The following RDX variants were observed in gnomAD, a reference collection of about 807,000 sequenced individuals.
RDX encodes the protein radixin.
A neutral mutation model predicts 83.7 loss-of-function variants in RDX; 32 were observed. The ratio of observed to expected loss-of-function variants is 0.38; its 90% CI spans 0.29 to 0.51. The LOEUF (loss-of-function observed/expected upper bound fraction) is 0.51, where lower values mean the gene tolerates loss of function less well. Among genes scored for constraint, RDX ranks in the 20% least tolerant of loss-of-function variants. The pLI is 0.87. For missense variants in RDX, 600 were observed against 689.9 expected (o/e 0.87, Z 1.46); for synonymous variants, 229 against 222.7 (o/e 1.03, Z -0.25).
intron 5 of RDX, among the ~76,000 whole-genome samples, chr11:110,260,143 C>T (rs560939827): frequency 6.6e-5 from 10 of 151,960 alleles, no homozygotes; most frequent in Admixed American, 1.3e-4. Context: ...TGCACCACCA[C>T]GCCCGGCTAA....
chr11:110,258,161 C>G lies in RDX; in HGVS notation c.496G>C (p.Glu166Gln). The stretch of plus-strand genomic sequence containing the variant: ...TTCTGTATTCTTTCTTCCCACTGTT[C>G]TTTTGTTAGTTTGTGTTGTTCCAAT... Reference protein sequence around the residue: ...RVLEQHKLTKEQWEERIQNWH... With the variant: ...RVLEQHKLTKQQWEERIQNWH... Residue 166 changes from glutamate to glutamine, a missense_variant, in exon 6 of 14, where the codon GAA (glutamate) becomes CAA (glutamine). Transcript: ENST00000645495. 6.2e-7 allele frequency: 1 copy of G among 1,607,042 alleles called. No homozygotes were observed. Among genetic ancestry groups the G allele is most frequent in the South Asian group, 1.1e-5 (1 of 90,444 alleles).
chr11:110,218,777 C>T (rs560072788), intron 14 of RDX, among the ~76,000 whole-genome samples: 1 of 152,298 alleles, frequency 6.6e-6, no homozygotes, highest in Non-Finnish European at 1.5e-5. Context: ...AAGAGTAACT[C>T]ATCCTGAAAG....
At chr11:110,225,222 GCAA>G (rs1368443096), downstream of RDX, among the ~76,000 whole-genome samples, 1 of 152,050 alleles carries the variant, frequency 6.6e-6, no homozygotes, top group Non-Finnish European at 1.5e-5. Flanking sequence ...AAAAGCACAG[GCAA>G]CAACAACAAA....
chr11:110,268,355 T>C (rs1860145572), intron 3 of RDX, among the ~76,000 whole-genome samples: 1 of 148,730 alleles, frequency 6.7e-6, no homozygotes, highest in Non-Finnish European at 1.5e-5. Context: ...TTCTAGAAGA[T>C]GTGGAATATA....
intron 14 of RDX, among the ~76,000 whole-genome samples, chr11:110,221,864 G>C (rs531642175): frequency 6.6e-6 from 1 of 151,858 alleles, no homozygotes; most frequent in Non-Finnish European, 1.5e-5. Flanking sequence ...ACCTCAATTT[G>C]AGTCCAGGAC....
chr11:110,234,273 T>C (rs989731912), intron 12 of RDX, among the ~76,000 whole-genome samples: 2 of 152,054 alleles, frequency 1.3e-5, no homozygotes, highest in African/African-American at 4.8e-5. Context: ...ATATAGGAGG[T>C]GAGACATTCT....
At chr11:110,284,795 T>C (rs1463564132) in intron 1 of RDX, among the ~76,000 whole-genome samples, 1 of 151,930 alleles carries the variant, frequency 6.6e-6, no homozygotes, top group Non-Finnish European at 1.5e-5. Flanking sequence ...AGTTCTGGGA[T>C]TACAGGCGTG....
chr11:110,232,461 G>T (rs1864677908), intron 13 of RDX, among the ~76,000 whole-genome samples: 1 of 151,806 alleles, frequency 6.6e-6, no homozygotes. Context: ...AACTTATTGG[G>T]AAAAAAGAAA....
At chr11:110,293,365 A>G (rs530497258) in intron 1 of RDX, among the ~76,000 whole-genome samples, 3 of 152,194 alleles carry the variant, frequency 2.0e-5, no homozygotes, top group Non-Finnish European at 4.4e-5. Flanking sequence ...ACTTTGCCAT[A>G]AAATATATCA....
At chr11:110,277,339 G>A (rs1257038344) in intron 2 of RDX, among the ~76,000 whole-genome samples, 1 of 151,182 alleles carries the variant, frequency 6.6e-6, no homozygotes, top group African/African-American at 2.4e-5. Flanking sequence ...TTGTTTTTTT[G>A]AGACAAGCCT....
intron 1 of RDX, among the ~76,000 whole-genome samples, chr11:110,296,239 C>T (rs1327780113): frequency 1.3e-5 from 2 of 152,054 alleles, no homozygotes; most frequent in East Asian, 1.9e-4. Context: ...GGCTCAGCCA[C>T]GACTCGGGCA....
At chr11:110,258,295 G>A in intron 5 of RDX, 106 bp from the exon 6 acceptor site, 1 of 724,560 alleles carries the variant, frequency 1.4e-6, no homozygotes, top group East Asian at 2.7e-5. Context: ...GTAGTTGTCA[G>A]ACAATTAATA....
intron 15 of RDX, among the ~76,000 whole-genome samples, chr11:110,192,452 C>T (rs1272295862): frequency 6.6e-6 from 1 of 151,804 alleles, no homozygotes; most frequent in Non-Finnish European, 1.5e-5. Context: ...AAACCTGGCC[C>T]TAGCAAAGAA....
chr11:110,258,543 T>C (rs1380087597), intron 5 of RDX, among the ~76,000 whole-genome samples: 1 of 152,090 alleles, frequency 6.6e-6, no homozygotes, highest in Non-Finnish European at 1.5e-5. Flanking sequence ...GTGTCTAGGA[T>C]CCTTAAATTC....
chr11:110,293,825 A>G (rs925241066), intron 1 of RDX, among the ~76,000 whole-genome samples: 3 of 152,232 alleles, frequency 2.0e-5, no homozygotes, highest in Non-Finnish European at 2.9e-5. Context: ...CATATAGCTC[A>G]GTTTTCACAA....
At chr11:110,177,488 G>A (rs1288585791) in intron 15 of RDX, among the ~76,000 whole-genome samples, 2 of 152,184 alleles carry the variant, frequency 1.3e-5, no homozygotes, top group Admixed American at 1.3e-4. Flanking sequence ...CCTGCACCTT[G>A]GCCCCCATTC....
chr11:110,211,204 CA>C (rs1220884898), intron 14 of RDX, among the ~76,000 whole-genome samples: 1 of 152,168 alleles, frequency 6.6e-6, no homozygotes, highest in Non-Finnish European at 1.5e-5. Flanking sequence ...TCTGATAAAA[CA>C]GACTTTAAAC....
intron 10 of RDX, among the ~76,000 whole-genome samples, chr11:110,245,706 T>C (rs1308229598): frequency 6.6e-6 from 1 of 152,192 alleles, no homozygotes; most frequent in Non-Finnish European, 1.5e-5. Context: ...AAAATAATTG[T>C]ATTATTTAAT....
At chr11:110,288,988 A>T (rs1437060675) in intron 1 of RDX, among the ~76,000 whole-genome samples, 1 of 152,154 alleles carries the variant, frequency 6.6e-6, no homozygotes, top group Admixed American at 6.5e-5. Context: ...CTGCAATCCC[A>T]GCACTGTGGG....
Sources: gnomAD v4.1 joint callset for allele counts (sites outside exome capture counted in the v4.1 genomes callset) on GRCh38, gnomAD v4.1.1 for gene constraint, MANE v1.5 for transcripts, NCBI Gene and HGNC (gene_info 2026-07-23, HGNC 2026-07-21) for gene names.